The following BCL11A variants were observed in gnomAD, a reference collection of about 807,000 sequenced individuals.
BCL11A encodes the protein B cell CLL/lymphoma 11A.
A neutral mutation model predicts 55.9 loss-of-function variants in BCL11A; 2 were observed. The observed-to-expected ratio is 0.04, with a 90% CI of 0.01 to 0.11. BCL11A has a LOEUF of 0.11. Among genes scored for constraint, BCL11A ranks in the 10% least tolerant of loss-of-function variants. The probability of loss-of-function intolerance (pLI) is 1.00; values close to 1 mark genes in which losing one functional copy is unlikely to be tolerated. For synonymous variants in BCL11A, 465 were observed against 473.4 expected (o/e 0.98, Z 0.23); for missense variants, 817 against 1,137.1 (o/e 0.72, Z 4.05).
chr2:60,455,417 T>C (rs1047127381), downstream of BCL11A, among the ~76,000 whole-genome samples: 6 of 152,176 alleles, frequency 3.9e-5, no homozygotes, highest in Non-Finnish European at 7.3e-5. Context: ...GTTGGCTAGG[T>C]TCTCATGTTT....
chr2:60,493,794 G>C (rs1014076789), intron 2 of BCL11A, among the ~76,000 whole-genome samples: 1 of 152,206 alleles, frequency 6.6e-6, no homozygotes, highest in Non-Finnish European at 1.5e-5. Context: ...CTGCTGCCCA[G>C]TGCTGTGGAC....
intron 2 of BCL11A, among the ~76,000 whole-genome samples, chr2:60,540,433 T>C (rs1669868537): frequency 6.6e-6 from 1 of 152,222 alleles, no homozygotes; most frequent in South Asian, 2.1e-4. Flanking sequence ...GACGCAATCT[T>C]GGTGCATCTC....
Position 60,458,966 on chromosome 2 carries a change from G to A in BCL11A, c.*1438C>T. 1 of 1,033,432 alleles carries A rather than the reference G, an allele frequency of 9.7e-7. No individual in the cohort carries two copies. Among genetic ancestry groups the A allele is most frequent in the Non-Finnish European group, 1.2e-6 (1 of 858,318 alleles). 64.0% of individuals were successfully genotyped at this position (1,033,432 alleles called of 1,614,324 possible). On this transcript the variant is annotated 3_prime_UTR_variant, in exon 4 of 4. Transcript: ENST00000642384. ...TGAAGTACAACTTTTAGGGAGCACA[G>A]ACATATATACTGCTACTCTTAAAAT...
chr2:60,538,784 T>TGTGTGTG (rs1669789807), intron 2 of BCL11A, among the ~76,000 whole-genome samples: 1 of 126,694 alleles, frequency 7.9e-6, no homozygotes, highest in Non-Finnish European at 1.7e-5. Context: ...TGTGTGTGTG[T>TGTGTGTG]AATGGGGAAA....
chr2:60,457,152 T>C (rs762664920), downstream of BCL11A: 125 of 748,082 alleles, frequency 1.7e-4, no homozygotes, highest in Non-Finnish European at 2.0e-4. Flanking sequence ...TTGCAAGTAA[T>C]TTACAGAGTG....
intron 2 of BCL11A, chr2:60,534,765 G>A (rs988468797): frequency 1.3e-5 from 2 of 152,364 alleles, no homozygotes; most frequent in Non-Finnish European, 2.9e-5. Context: ...CATCTGAGGA[G>A]GAGAGCCACT....
intron 2 of BCL11A, among the ~76,000 whole-genome samples, chr2:60,520,459 A>G (rs192288895): frequency 8.5e-4 from 130 of 152,326 alleles, no homozygotes; most frequent in Non-Finnish European, 1.6e-3. Flanking sequence ...AATTTTTTAA[A>G]ATCTAGATTA....
At position 60,457,670 on chromosome 2, in the gene BCL11A, G is replaced by T. The variant is rs1270199087; in HGVS notation, c.*2734C>A. On this transcript the variant is annotated 3_prime_UTR_variant, in exon 4 of 4. Coordinates refer to ENST00000642384, the MANE Select transcript of BCL11A (RefSeq NM_022893.4). The stretch of plus-strand genomic sequence containing the variant: ...CAATGAAAAAAACTGCAAAACATTG[G>T]TTTTTTTTTTTTTTTCCTTTTTTTT... The T allele has an allele frequency of 2.1e-4, 195 of 930,038 alleles. 1 individual carries two copies. The South Asian group carries it at 2.4e-3, about 12-fold the overall frequency. The allele number at this position is 930,038 out of a possible 1,614,324, so 57.6% of individuals were successfully genotyped here. A position where few individuals can be genotyped will look rare whatever the true frequency, so the allele number is the denominator to read the frequency against.
intron 2 of BCL11A, among the ~76,000 whole-genome samples, chr2:60,518,279 A>C (rs1668823490): frequency 6.6e-6 from 1 of 152,206 alleles, no homozygotes; most frequent in Non-Finnish European, 1.5e-5. Flanking sequence ...GAGCTCTCAT[A>C]ATACATAAAA....
chr2:60,451,325 G>A (rs893156317), exon 5 of BCL11A: 8 of 227,916 alleles, frequency 3.5e-5, no homozygotes, highest in African/African-American at 1.8e-4. Flanking sequence ...GCACACAGGT[G>A]TCTGAGCTCT....
chr2:60,477,451 T>C (rs1677673718), intron 2 of BCL11A, among the ~76,000 whole-genome samples: 1 of 151,950 alleles, frequency 6.6e-6, no homozygotes, highest in African/African-American at 2.4e-5. Flanking sequence ...AAACCAAACA[T>C]GGGTGGAGGG....
chr2:60,480,381 G>A (rs889465974), intron 2 of BCL11A, among the ~76,000 whole-genome samples: 1 of 152,200 alleles, frequency 6.6e-6, no homozygotes, highest in Non-Finnish European at 1.5e-5. Context: ...GCACCATGCT[G>A]GGCAAAGAAG....
chr2:60,532,410 T>G (rs987456061), intron 2 of BCL11A, among the ~76,000 whole-genome samples: 4 of 151,976 alleles, frequency 2.6e-5, no homozygotes, highest in Middle Eastern at 3.2e-3. Flanking sequence ...TTGTTTTTTG[T>G]TTTTTTGTTT....
At chr2:60,491,287 G>A (rs1678612593) in intron 2 of BCL11A, among the ~76,000 whole-genome samples, 1 of 152,162 alleles carries the variant, frequency 6.6e-6, no homozygotes, top group African/African-American at 2.4e-5. Flanking sequence ...TACTAAAAAG[G>A]ACCTCATTTT....
chr2:60,497,327 C>G (rs1468037765), intron 2 of BCL11A, among the ~76,000 whole-genome samples: 2 of 152,202 alleles, frequency 1.3e-5, no homozygotes, highest in African/African-American at 2.4e-5. Context: ...TTTAACTGCT[C>G]TGTTTGATCA....
rs774054464 is a variant in BCL11A, at chr2:60,462,428, C to A, written c.488-4G>T. ...TAGCTGCTGGGCTCATCTTTACCTGCAAAATAATACAACACCAACATCAAT... is the reference window on the plus strand; with the variant it reads ...TAGCTGCTGGGCTCATCTTTACCTGAAAAATAATACAACACCAACATCAAT... On this transcript the variant is annotated splice_polypyrimidine_tract_variant and splice_region_variant and intron_variant, in intron 3 of 3. Transcript: ENST00000642384. 5 of 1,582,898 alleles carry A rather than the reference C, an allele frequency of 3.2e-6. No homozygotes were observed. The highest frequency in any genetic ancestry group is 4.3e-6 in the Non-Finnish European group (5 of 1,165,482).
intron 2 of BCL11A, chr2:60,537,140 T>C (rs1407537535): frequency 1.3e-5 from 2 of 151,922 alleles, no homozygotes; most frequent in East Asian, 1.9e-4. Flanking sequence ...AGTATCTTTA[T>C]CAGAATTAAA....
chr2:60,497,442 T>C (rs1009366781), intron 2 of BCL11A, among the ~76,000 whole-genome samples: 1 of 152,172 alleles, frequency 6.6e-6, no homozygotes, highest in Non-Finnish European at 1.5e-5. Flanking sequence ...AGGCCAAGGA[T>C]ATATGAGAGT....
At chr2:60,514,462 G>A (rs1002021779) in intron 2 of BCL11A, among the ~76,000 whole-genome samples, 2 of 145,834 alleles carry the variant, frequency 1.4e-5, no homozygotes, top group East Asian at 4.1e-4. Flanking sequence ...TTCAAGACCA[G>A]CCTAGCCAAC....
Sources: allele counts gnomAD v4.1 joint callset (sites outside exome capture counted in the v4.1 genomes callset), GRCh38; gene constraint gnomAD v4.1.1; transcripts MANE v1.5; gene names NCBI Gene and HGNC (gene_info 2026-07-23, HGNC 2026-07-21).